NEGR1: variants seen among roughly 807,000 people sequenced by gnomAD.
NEGR1 encodes the protein IgLON family member 4.
In NEGR1, 10 loss-of-function variants were observed where a neutral mutation model predicts 40.9. The observed-to-expected ratio is 0.24, with a 90% confidence interval of 0.15 to 0.42. The LOEUF (loss-of-function observed/expected upper bound fraction) is 0.42. NEGR1 is among the 10% of genes least tolerant of loss of function. NEGR1 has a pLI of 1.00. For missense variants in NEGR1, 352 were observed against 438.9 expected, an observed-to-expected ratio of 0.80 and a Z score of 1.77; for synonymous variants, 185 against 166.8, an observed-to-expected ratio of 1.11 and a Z score of -0.84.
chr1:71,772,282 C>T (rs537870032), intron 3 of NEGR1, among the ~76,000 whole-genome samples: 7 of 151,998 alleles, frequency 4.6e-5, no homozygotes, highest in African/African-American at 9.6e-5. Context: ...CGCACGCTTG[C>T]GATCCCAGCT....
chr1:71,978,170 T>C (rs945450304), intron 1 of NEGR1, among the ~76,000 whole-genome samples: 2 of 152,190 alleles, frequency 1.3e-5, no homozygotes, highest in Admixed American at 1.3e-4. Flanking sequence ...GTGGGAGAGA[T>C]GCAGGCCATG....
intron 1 of NEGR1, among the ~76,000 whole-genome samples, chr1:72,255,312 T>C (rs1655230700): frequency 6.6e-6 from 1 of 152,174 alleles, no homozygotes. Flanking sequence ...GCACAAATCT[T>C]AATTCAGAAT....
intron 1 of NEGR1, among the ~76,000 whole-genome samples, chr1:72,042,140 G>A (rs1646962514): frequency 6.6e-6 from 1 of 151,502 alleles, no homozygotes; most frequent in African/African-American, 2.4e-5. Flanking sequence ...CCTTCAGCCA[G>A]AGAAAGAAAG....
At chr1:71,771,427 C>G (rs1167407679) in intron 3 of NEGR1, among the ~76,000 whole-genome samples, 1 of 151,912 alleles carries the variant, frequency 6.6e-6, no homozygotes, top group Non-Finnish European at 1.5e-5. Flanking sequence ...TGCACACGTA[C>G]CCCAGAACTT....
At chr1:71,904,816 C>T (rs1042738121) in intron 2 of NEGR1, among the ~76,000 whole-genome samples, 1 of 152,048 alleles carries the variant, frequency 6.6e-6, no homozygotes, top group African/African-American at 2.4e-5. Context: ...ACTATTGATG[C>T]ACACATTTCA....
At chr1:72,252,971 G>A (rs184829713) in intron 1 of NEGR1, among the ~76,000 whole-genome samples, 3 of 152,304 alleles carry the variant, frequency 2.0e-5, no homozygotes, top group African/African-American at 7.2e-5. Context: ...AGGTTGTTTT[G>A]TTGGTGCTGC....
At chr1:71,888,394 G>C (rs1474656814) in intron 2 of NEGR1, among the ~76,000 whole-genome samples, 2 of 152,104 alleles carry the variant, frequency 1.3e-5, no homozygotes, top group East Asian at 3.9e-4. Context: ...GCGAGGCATT[G>C]CCTCACCTGG....
At chr1:71,688,250 C>T (rs1014321573) in intron 4 of NEGR1, among the ~76,000 whole-genome samples, 2 of 144,086 alleles carry the variant, frequency 1.4e-5, no homozygotes, top group Admixed American at 7.2e-5. Context: ...AGCCTGACTT[C>T]GTAGTCACTG....
chr1:71,766,172 CAAA>C (rs35894619), intron 3 of NEGR1, among the ~76,000 whole-genome samples: 18 of 109,912 alleles, frequency 1.6e-4, no homozygotes, highest in Middle Eastern at 4.1e-3. Flanking sequence ...GACTCCGTCT[CAAA>C]AAAAAAAAAA....
At chr1:72,060,149 G>C (rs142047124) in intron 1 of NEGR1, among the ~76,000 whole-genome samples, 18 of 151,796 alleles carry the variant, frequency 1.2e-4, no homozygotes, top group African/African-American at 3.9e-4. Context: ...TTACACCCAT[G>C]TCAATAGCAT....
chr1:71,534,791 G>T (rs1379481927), intron 6 of NEGR1, among the ~76,000 whole-genome samples: 1 of 151,584 alleles, frequency 6.6e-6, no homozygotes, highest in Non-Finnish European at 1.5e-5. Flanking sequence ...TAATAAAACA[G>T]TTAGAAATGC....
chr1:71,809,510 C>T (rs1657910661), intron 2 of NEGR1, among the ~76,000 whole-genome samples: 1 of 151,860 alleles, frequency 6.6e-6, no homozygotes, highest in Admixed American at 6.6e-5. Flanking sequence ...CCAAGTATGC[C>T]CTTCAAGTTT....
At chr1:72,015,696 T>C (rs1314361652) in intron 1 of NEGR1, among the ~76,000 whole-genome samples, 1 of 151,994 alleles carries the variant, frequency 6.6e-6, no homozygotes, top group Non-Finnish European at 1.5e-5. Context: ...AATAAATAAA[T>C]ACATAAATTA....
chr1:71,433,359 T>A (rs1053536300), intron 6 of NEGR1, among the ~76,000 whole-genome samples: 2 of 152,198 alleles, frequency 1.3e-5, no homozygotes, highest in Non-Finnish European at 2.9e-5. Flanking sequence ...TTTTAAGGAA[T>A]CTTCAAACTG....
At chr1:72,019,546 G>C (rs1459980999) in intron 1 of NEGR1, among the ~76,000 whole-genome samples, 4 of 152,144 alleles carry the variant, frequency 2.6e-5, no homozygotes, top group African/African-American at 9.7e-5. Context: ...CTAAAGACAG[G>C]AATGAACCCT....
chr1:71,488,626 A>G lies in NEGR1; in HGVS notation c.941-81056T>C, dbSNP rs116786575. Among the ~76,000 whole-genome samples, 313 of 151,776 alleles carry G rather than the reference A, an allele frequency of 2.1e-3. 2 individuals are homozygous for G. Among genetic ancestry groups the G allele is most frequent in the Admixed American group, 1.9e-3 (29 of 15,184 alleles). On this transcript the variant is annotated intron_variant, in intron 6 of 6. Coordinates refer to ENST00000357731, the MANE Select transcript of NEGR1 (RefSeq NM_173808.3). ...CTCACAGAATCAGATTCTTCATCCAATTTTTAGCTATATTATCCAAATATC... is the reference window on the plus strand; with the variant it reads ...CTCACAGAATCAGATTCTTCATCCAGTTTTTAGCTATATTATCCAAATATC...
intron 1 of NEGR1, among the ~76,000 whole-genome samples, chr1:72,139,538 T>A (rs539434470): frequency 8.5e-5 from 13 of 152,214 alleles, no homozygotes; most frequent in Non-Finnish European, 1.5e-4. Context: ...ACAAGTTTGA[T>A]GAAATGAATT....
At chr1:72,207,722 T>A (rs185103962) in intron 1 of NEGR1, among the ~76,000 whole-genome samples, 1 of 151,760 alleles carries the variant, frequency 6.6e-6, no homozygotes, top group East Asian at 1.9e-4. Context: ...TCGTGCTCAG[T>A]ATCTGGCTAT....
intron 1 of NEGR1, among the ~76,000 whole-genome samples, chr1:72,196,359 T>A (rs750511729): frequency 2.0e-5 from 3 of 152,142 alleles, no homozygotes; most frequent in Non-Finnish European, 4.4e-5. Flanking sequence ...CAACATGAAT[T>A]TGTTTTAGGT....
Sources: gnomAD v4.1 joint callset for allele counts (sites outside exome capture counted in the v4.1 genomes callset) on GRCh38, gnomAD v4.1.1 for gene constraint, MANE v1.5 for transcripts, NCBI Gene and HGNC (gene_info 2026-07-23, HGNC 2026-07-21) for gene names.